CEP85L: variants seen among roughly 807,000 people sequenced by gnomAD.
CEP85L encodes the protein centrosomal protein 85L.
A neutral mutation model predicts 100.3 loss-of-function variants in CEP85L; 60 were observed. The ratio of observed to expected loss-of-function variants is 0.60; its 90% confidence interval spans 0.49 to 0.74. The LOEUF (loss-of-function observed/expected upper bound fraction) is 0.74, where lower values mean the gene tolerates loss of function less well. Ranked by LOEUF, CEP85L falls within the 30% of genes least tolerant of loss-of-function variation. CEP85L has a pLI of 0.00. For synonymous variants in CEP85L, 319 were observed against 322.7 expected, an observed-to-expected ratio of 0.99 and a Z score of 0.12; for missense variants, 973 against 936.2, an observed-to-expected ratio of 1.04 and a Z score of -0.51.
At chr6:118,558,626 T>TACACACACAC (rs371775061) in intron 3 of CEP85L, among the ~76,000 whole-genome samples, 1,710 of 111,450 alleles carry the variant, frequency 0.015, 6 homozygotes, top group Middle Eastern at 0.034. Flanking sequence ...CACGTGCACA[T>TACACACACAC]ACACACACAC....
chr6:118,583,251 C>G (rs1274685313), intron 2 of CEP85L, among the ~76,000 whole-genome samples: 1 of 152,138 alleles, frequency 6.6e-6, no homozygotes, highest in Non-Finnish European at 1.5e-5. Context: ...GCACAGGAAC[C>G]CTGAGTGATT....
At chr6:118,531,415 A>T (rs1245299545) in intron 3 of CEP85L, among the ~76,000 whole-genome samples, 1 of 152,102 alleles carries the variant, frequency 6.6e-6, no homozygotes, top group African/African-American at 2.4e-5. Flanking sequence ...AACCCTGGAG[A>T]ATAACCTAGG....
At chr6:118,501,882 A>G in intron 5 of CEP85L, 1 of 1,262,206 alleles carries the variant, frequency 7.9e-7, no homozygotes, top group South Asian at 1.3e-5. Context: ...AGCAAAGAAA[A>G]TAAAAAGAAA....
chr6:118,645,066 C>G (rs528863968), intron 1 of CEP85L, among the ~76,000 whole-genome samples: 13 of 152,240 alleles, frequency 8.5e-5, no homozygotes, highest in Non-Finnish European at 1.6e-4. Context: ...CAACCCCTAA[C>G]ATTATTATCA....
intron 1 of CEP85L, among the ~76,000 whole-genome samples, chr6:118,693,565 G>T (rs1777112195): frequency 6.6e-6 from 1 of 152,144 alleles, no homozygotes; most frequent in Non-Finnish European, 1.5e-5. Flanking sequence ...AATACAAATG[G>T]ACTCTGCCTG....
intron 4 of CEP85L, among the ~76,000 whole-genome samples, chr6:118,516,849 A>G (rs1011258215): frequency 6.6e-6 from 1 of 152,122 alleles, no homozygotes; most frequent in African/African-American, 2.4e-5. Flanking sequence ...GGTACTGCCT[A>G]GGTTTTCTTC....
Position 118,660,795 on chromosome 6 carries a change from C to T in CEP85L, c.-27-7987G>A, listed in dbSNP as rs187139178. Among the ~76,000 whole-genome samples, 3 of 152,330 alleles carry T rather than the reference C, an allele frequency of 2.0e-5. No individual in the cohort carries two copies. In the East Asian group the frequency reaches 5.8e-4, roughly 29 times the overall value. ...CTGTAATTGCCTCATTAACTCTCAC[C>T]TTGAGTTCTCTGAATCTGGTTTTCT... On this transcript the variant is annotated intron_variant, in intron 1 of 13. Coordinates refer to the CEP85L transcript ENST00000368488.
intron 3 of CEP85L, among the ~76,000 whole-genome samples, chr6:118,529,859 A>G (rs920690182): frequency 2.0e-5 from 3 of 152,080 alleles, no homozygotes; most frequent in Non-Finnish European, 2.9e-5. Context: ...CTTCAGACTA[A>G]AAGTTATTGA....
chr6:118,597,548 T>A (rs1426265463), intron 2 of CEP85L, among the ~76,000 whole-genome samples: 1 of 152,208 alleles, frequency 6.6e-6, no homozygotes, highest in African/African-American at 2.4e-5. Flanking sequence ...TGAAAGATTA[T>A]AGAAACTTAT....
intron 5 of CEP85L, among the ~76,000 whole-genome samples, chr6:118,495,769 A>G (rs1052723620): frequency 3.3e-5 from 5 of 152,206 alleles, no homozygotes; most frequent in Non-Finnish European, 7.3e-5. Flanking sequence ...TTCATCTTTC[A>G]TCTTTCAGCC....
chr6:118,632,537 G>A lies in CEP85L; in HGVS notation c.148C>T (p.Arg50Ter). Reference sequence around the variant, plus strand: ...CTGTGTCTCCTGATATGGTTATTTCGATGGTTAGATGGAACAGTTGTGGCC... The same window carrying A: ...CTGTGTCTCCTGATATGGTTATTTCAATGGTTAGATGGAACAGTTGTGGCC... ...WQATTVPSNH[R>*]NNHIRRHSIA... The change falls in exon 2 of 13, where the codon CGA (arginine) becomes TGA (stop). Residue 50 changes from arginine to a stop codon, truncating the protein, a stop_gained. Coordinates refer to ENST00000368491, the MANE Select transcript of CEP85L (RefSeq NM_001042475.3). LOFTEE classifies it high-confidence loss of function. The A allele has an allele frequency of 6.2e-7, 1 of 1,613,136 alleles. No individual in the cohort carries two copies. The highest frequency in any genetic ancestry group is 8.5e-7 in the Non-Finnish European group (1 of 1,179,570).
chr6:118,502,369 T>C (rs1582925019), intron 5 of CEP85L: 2 of 552,386 alleles, frequency 3.6e-6, no homozygotes, highest in East Asian at 3.8e-5. Flanking sequence ...TACCCATATG[T>C]TAAGACAGAT....
chr6:118,486,104 C>A (rs9489413), intron 6 of CEP85L, among the ~76,000 whole-genome samples: 4,441 of 152,314 alleles, frequency 0.029, 193 homozygotes, highest in African/African-American at 0.091. Context: ...TTGTTGGTCA[C>A]ATGTTGATCA....
chr6:118,678,877 A>G (rs903190982), intron 1 of CEP85L, among the ~76,000 whole-genome samples: 5 of 152,236 alleles, frequency 3.3e-5, no homozygotes, highest in African/African-American at 1.2e-4. Flanking sequence ...GGTTCCAGTG[A>G]GCCCAGATCG....
intron 1 of CEP85L, among the ~76,000 whole-genome samples, chr6:118,698,202 T>A (rs978685707): frequency 7.2e-5 from 11 of 152,186 alleles, no homozygotes; most frequent in African/African-American, 2.7e-4. Flanking sequence ...TACTTTTTCC[T>A]AGAGGTGGGA....
At chr6:118,611,570 C>A (rs1419170511) in intron 2 of CEP85L, among the ~76,000 whole-genome samples, 2 of 152,036 alleles carry the variant, frequency 1.3e-5, no homozygotes, top group Non-Finnish European at 2.9e-5. Context: ...ATTGGCACAG[C>A]AGATTGATGA....
chr6:118,571,909 T>G (rs1779911909), intron 2 of CEP85L, among the ~76,000 whole-genome samples: 2 of 152,086 alleles, frequency 1.3e-5, no homozygotes, highest in African/African-American at 2.4e-5. Context: ...CAGGCTGGAG[T>G]GCAAGGGAAC....
chr6:118,542,648 G>A (rs547205681), intron 3 of CEP85L, among the ~76,000 whole-genome samples: 7 of 151,924 alleles, frequency 4.6e-5, no homozygotes, highest in Non-Finnish European at 8.8e-5. Context: ...GAGAATGACA[G>A]TTCCAATTCA....
At chr6:118,485,843 G>A (rs915563374) in intron 6 of CEP85L, among the ~76,000 whole-genome samples, 2 of 152,172 alleles carry the variant, frequency 1.3e-5, no homozygotes, top group African/African-American at 4.8e-5. Flanking sequence ...ACATTACAGA[G>A]GTAAACATGA....
Sources: gnomAD v4.1 joint callset for allele counts (sites outside exome capture counted in the v4.1 genomes callset) on GRCh38, gnomAD v4.1.1 for gene constraint, MANE v1.5 for transcripts, NCBI Gene and HGNC (gene_info 2026-07-23, HGNC 2026-07-21) for gene names.